The following TRIM34 variants were observed in gnomAD, a reference collection of about 807,000 sequenced individuals.
TRIM34 encodes E3 ubiquitin-protein ligase TRIM34.
Under a neutral mutation model 38.1 loss-of-function variants are expected in TRIM34, and 41 were observed. The observed-to-expected ratio is 1.08, with a 90% CI of 0.84 to 1.40. TRIM34 has a LOEUF of 1.40. TRIM34 is among the 40% of genes most tolerant of loss of function. The pLI, the probability that TRIM34 is intolerant of heterozygous loss-of-function variation, is 0.00. For synonymous variants in TRIM34, 200 were observed against 202.5 expected (o/e 0.99, Z 0.10); for missense variants, 556 against 571.4 (o/e 0.97, Z 0.27).
intron 3 of TRIM34, among the ~76,000 whole-genome samples, chr11:5,634,403 A>G (rs959520653): frequency 1.3e-5 from 2 of 151,250 alleles, no homozygotes; most frequent in African/African-American, 4.9e-5. Context: ...AAGTACCTCT[A>G]TTGCTTCTAC....
At chr11:5,633,146 C>CT (rs142147714) in intron 2 of TRIM34, among the ~76,000 whole-genome samples, 1,327 of 106,792 alleles carry the variant, frequency 0.012, 24 homozygotes, top group African/African-American at 0.022. Context: ...CCTTTTCTTT[C>CT]TTTTTTTTTT....
At chr11:5,640,906 CATTAAG>C (rs1306769356) in intron 4 of TRIM34, among the ~76,000 whole-genome samples, 1 of 148,338 alleles carries the variant, frequency 6.7e-6, no homozygotes, top group African/African-American at 2.5e-5. Context: ...TTGTCTGTTT[CATTAAG>C]ATTATCTAAT....
chr11:5,634,710 G>A lies in TRIM34; in HGVS notation c.599G>A (p.Arg200Lys). 1 of 1,614,094 alleles carries A rather than the reference G, an allele frequency of 6.2e-7. No homozygotes were observed. The highest frequency in any genetic ancestry group is 8.5e-7 in the Non-Finnish European group (1 of 1,180,018). The change falls in exon 4 of 8, where the codon AGA becomes AAA. Residue 200 changes from arginine (R) to lysine (K), a missense_variant. Arg to Lys is a conservative substitution (Grantham distance 26, BLOSUM62 2). Transcript: ENST00000429814. ...AGCATCCTAAATAATGAGGAGCAGA[G>A]AGAGCTGCAAAGATTGGAAGAAGAA... ...LRSILNNEEQRELQRLEEEEK... is the reference protein window; with the variant it reads ...LRSILNNEEQKELQRLEEEEK...
At chr11:5,633,665 T>C in intron 2 of TRIM34, 139 bp from the exon 3 acceptor site, 1 of 761,452 alleles carries the variant, frequency 1.3e-6, no homozygotes, top group South Asian at 2.1e-5. Flanking sequence ...TTTCCCCATG[T>C]CATAGATTCT....
chr11:5,621,080 C>T (rs979412114), upstream of TRIM34, among the ~76,000 whole-genome samples: 21 of 152,306 alleles, frequency 1.4e-4, no homozygotes, highest in African/African-American at 4.6e-4. Flanking sequence ...ATTCCTATCT[C>T]CAGCACTCAT....
chr11:5,638,686 A>G (rs1849850591), intron 4 of TRIM34, among the ~76,000 whole-genome samples: 4 of 152,246 alleles, frequency 2.6e-5, no homozygotes, highest in Admixed American at 2.0e-4. Flanking sequence ...AAAGGAAACA[A>G]TATGGCTGGA....
chr11:5,632,281 G>A lies in TRIM34; in HGVS notation c.-51G>A, dbSNP rs1461277877. The A allele has an allele frequency of 6.2e-7, 1 of 1,612,340 alleles. No individual in the cohort carries two copies. Among genetic ancestry groups the A allele is most frequent in the Non-Finnish European group, 8.5e-7 (1 of 1,179,170 alleles). On this transcript the variant is annotated 5_prime_UTR_variant, in exon 2 of 8. Transcript: ENST00000429814. ...CATCCAGGGGTCTTTAACCAGAAGA[G>A]AGAGGAGAGCCTCAGGAGTTAGGAC...
rs1590192141 is a variant in TRIM34 at position 5,644,150 on chromosome 11, A to C, written c.*441A>C. On this transcript the variant is annotated 3_prime_UTR_variant, in exon 8 of 8. Coordinates refer to ENST00000429814, the MANE Select transcript of TRIM34 (RefSeq NM_021616.6). ...CCAGGTACATCAAGGAATCAAGGAG[A>C]GGAAAATATGAGCAATATGTGTATT... 24 of 400,118 alleles carry C rather than the reference A, an allele frequency of 6.0e-5. 1 individual carries two copies. The East Asian group carries it at 8.5e-4, about 14-fold the overall frequency. 24.8% of individuals were successfully genotyped at this position (400,118 alleles called of 1,614,324 possible). A position where few individuals can be genotyped will look rare whatever the true frequency, so the allele number is the denominator to read the frequency against.
chr11:5,626,447 A>G (rs1490329310), intron 1 of TRIM34, among the ~76,000 whole-genome samples: 1 of 152,260 alleles, frequency 6.6e-6, no homozygotes, highest in East Asian at 1.9e-4. Flanking sequence ...GAAAGTTTTA[A>G]ATAGTTTTCA....
intron 4 of TRIM34, among the ~76,000 whole-genome samples, chr11:5,639,821 G>C (rs1436629944): frequency 2.0e-5 from 3 of 151,056 alleles, no homozygotes; most frequent in African/African-American, 7.3e-5. Context: ...CAATATAGAA[G>C]CTTTTTTAAA....
chr11:5,626,438 A>G (rs1849237752), intron 1 of TRIM34, among the ~76,000 whole-genome samples: 1 of 152,214 alleles, frequency 6.6e-6, no homozygotes, highest in African/African-American at 2.4e-5. Flanking sequence ...AGTTTTTATG[A>G]AAGTTTTAAA....
intron 4 of TRIM34, among the ~76,000 whole-genome samples, chr11:5,639,686 A>T (rs1849910825): frequency 6.9e-6 from 1 of 145,926 alleles, no homozygotes; most frequent in African/African-American, 2.6e-5. Context: ...TTTCAAAAAA[A>T]AAAAAAAAAA....
At chr11:5,631,174 C>T (rs527642157) in intron 1 of TRIM34, among the ~76,000 whole-genome samples, 183 of 152,208 alleles carry the variant, frequency 1.2e-3, no homozygotes, top group Admixed American at 3.2e-3. Context: ...TCCTATCAAC[C>T]TCTGTAACAT....
intron 5 of TRIM34, 182 bp downstream of exon 5, chr11:5,641,371 C>T (rs1186042144): frequency 1.1e-5 from 16 of 1,393,996 alleles, no homozygotes; most frequent in South Asian, 1.7e-5. Flanking sequence ...TTAATGGACT[C>T]GATCCTATGT....
chr11:5,629,877 T>C (rs992805629), intron 1 of TRIM34, among the ~76,000 whole-genome samples: 2 of 152,158 alleles, frequency 1.3e-5, no homozygotes, highest in Non-Finnish European at 2.9e-5. Context: ...CTGGCTAATT[T>C]TTGTATTTTT....
chr11:5,639,707 A>AAAAAAAAAT (rs1564889435), intron 4 of TRIM34, among the ~76,000 whole-genome samples: 1 of 139,912 alleles, frequency 7.1e-6, no homozygotes, highest in Non-Finnish European at 1.5e-5. Flanking sequence ...AAAAAAAAAA[A>AAAAAAAAAT]GATTGGAAGA....
intron 1 of TRIM34, among the ~76,000 whole-genome samples, chr11:5,629,087 G>GC (rs1407487044): frequency 6.6e-6 from 1 of 152,068 alleles, no homozygotes; most frequent in African/African-American, 2.4e-5. Flanking sequence ...GACCAGCATG[G>GC]CCAACATGGT....
chr11:5,628,384 G>C (rs1032025426), intron 1 of TRIM34, among the ~76,000 whole-genome samples: 1 of 152,240 alleles, frequency 6.6e-6, no homozygotes, highest in Non-Finnish European at 1.5e-5. Flanking sequence ...TAAACTCCTT[G>C]TCTTACTAGT....
At chr11:5,630,375 G>C (rs1303387958) in intron 1 of TRIM34, among the ~76,000 whole-genome samples, 4 of 151,824 alleles carry the variant, frequency 2.6e-5, no homozygotes, top group African/African-American at 9.7e-5. Context: ...GCTTCTCTCT[G>C]TTAACTTGTC....
Sources: allele counts gnomAD v4.1 joint callset (sites outside exome capture counted in the v4.1 genomes callset), GRCh38; gene constraint gnomAD v4.1.1; transcripts MANE v1.5; gene names NCBI Gene and HGNC (gene_info 2026-07-23, HGNC 2026-07-21).